Variants in DERL1 observed in about 807,000 individuals in gnomAD.
DERL1 encodes derlin-1.
DERL1 carries 24 observed loss-of-function variants against 41.6 expected under a neutral mutation model. The ratio of observed to expected loss-of-function variants is 0.58; its 90% CI spans 0.42 to 0.81. The LOEUF (loss-of-function observed/expected upper bound fraction) is 0.81. Among genes scored for constraint, DERL1 ranks in the 30% least tolerant of loss-of-function variants. DERL1 has a pLI of 0.00. For synonymous variants in DERL1, 124 were observed against 112.5 expected (o/e 1.10, Z -0.65); for missense variants, 260 against 314.3 (o/e 0.83, Z 1.31).
At chr8:123,025,369 G>C (rs191105735) in intron 2 of DERL1, among the ~76,000 whole-genome samples, 2 of 152,282 alleles carry the variant, frequency 1.3e-5, no homozygotes, top group East Asian at 1.9e-4. Flanking sequence ...GTATCCCAAA[G>C]ACCAGTGAGG....
chr8:123,023,528 C>T lies in DERL1; in HGVS notation c.357+185G>A, dbSNP rs543373003. 2.6e-5 allele frequency among the ~76,000 whole-genome samples: 4 copies of T among 152,156 alleles called. No individual in the cohort carries two copies. In the South Asian group the frequency reaches 8.3e-4, roughly 32 times the overall value. ...CAAGATCAAGCCACTGCACTCCAGC[C>T]TGAGCAACACAGCAAGACTCCATCT... On this transcript the variant is annotated intron_variant, in intron 4 of 7. Coordinates refer to ENST00000259512, the MANE Select transcript of DERL1 (RefSeq NM_024295.6).
intron 2 of DERL1, among the ~76,000 whole-genome samples, chr8:123,030,056 T>TA (rs1812788482): frequency 9.8e-6 from 1 of 101,712 alleles, no homozygotes; most frequent in Admixed American, 1.1e-4. Flanking sequence ...CAAGATTGTC[T>TA]CAAAAAATAA....
intron 1 of DERL1, among the ~76,000 whole-genome samples, chr8:123,033,390 T>C (rs1366706594): frequency 6.6e-6 from 1 of 152,190 alleles, no homozygotes; most frequent in African/African-American, 2.4e-5. Context: ...TAGAGCTATC[T>C]CTTTCTACCT....
At position 123,034,162 on chromosome 8, in the gene DERL1, G is replaced by A. The variant is rs369164285; in HGVS notation, c.154-3446C>T. On this transcript the variant is annotated intron_variant, in intron 1 of 7. Coordinates refer to ENST00000259512, the MANE Select transcript of DERL1 (RefSeq NM_024295.6). ...GGCTGGAATGGAGGACGTCAGTCAC[G>A]GGGACTGGCCACATACAGACTGGCC... Among the ~76,000 whole-genome samples, 46 of 152,308 alleles carry A rather than the reference G, an allele frequency of 3.0e-4. No homozygotes were observed. In the South Asian group the frequency reaches 8.5e-3, roughly 28 times the overall value.
chr8:123,025,053 G>T lies in DERL1; in HGVS notation c.266-3C>A. On this transcript the variant is annotated splice_region_variant and splice_polypyrimidine_tract_variant and intron_variant, in intron 2 of 7. Transcript: ENST00000259512. ...TGCTGGCCTCCCATCAAAAGCTCCT[G>T]GAAACAAAAACAAGCCAAATGTCAT... is the stretch of plus-strand genomic sequence containing the variant. 1 of 1,612,148 alleles carries T rather than the reference G, an allele frequency of 6.2e-7. No individual in the cohort carries two copies. Among genetic ancestry groups the T allele is most frequent in the Non-Finnish European group, 8.5e-7 (1 of 1,179,264 alleles).
At chr8:123,040,275 A>C (rs948252730) in intron 1 of DERL1, among the ~76,000 whole-genome samples, 5 of 152,234 alleles carry the variant, frequency 3.3e-5, no homozygotes, top group African/African-American at 1.2e-4. Flanking sequence ...AGTGGAGTGA[A>C]GGACGGGCTA....
intron 1 of DERL1, among the ~76,000 whole-genome samples, chr8:123,039,742 C>T (rs1813003647): frequency 6.6e-6 from 1 of 152,188 alleles, no homozygotes. Flanking sequence ...ACTATTGTAC[C>T]CCAGTGCCCA....
In DERL1 at chr8:123,042,184, C is replaced by A. The variant is rs187717958; in HGVS notation, c.-62G>T. 1.2e-3 allele frequency: 1,749 copies of A among 1,505,924 alleles called. 17 individuals carry two copies. The African/African-American group carries it at 0.021, about 18-fold the overall frequency. The allele number at this position is 1,505,924 out of a possible 1,614,324, so 93.3% of individuals were successfully genotyped here. ...CCGACTCCCCGTGCCGACCCCCTCA[C>A]GACGCGGCCGGCTCCGCGACTGTTA... is the stretch of plus-strand genomic sequence containing the variant. On this transcript the variant is annotated 5_prime_UTR_variant, in exon 1 of 8. Coordinates refer to ENST00000259512, the MANE Select transcript of DERL1 (RefSeq NM_024295.6).
At chr8:123,021,543 AC>A (rs746939267) in intron 5 of DERL1, 44 bp from the exon 6 acceptor site, 30 of 1,547,310 alleles carry the variant, frequency 1.9e-5, no homozygotes, top group Non-Finnish European at 2.6e-5. Flanking sequence ...GCCACACCTG[AC>A]GAGGACACAG....
intron 2 of DERL1, among the ~76,000 whole-genome samples, chr8:123,026,134 T>G (rs1051744876): frequency 5.3e-5 from 8 of 151,922 alleles, no homozygotes; most frequent in African/African-American, 1.9e-4. Flanking sequence ...AAGATATAAT[T>G]AAAAGAAAAT....
chr8:123,023,644 G>C, intron 4 of DERL1, 69 bp downstream of exon 4: 1 of 1,500,944 alleles, frequency 6.7e-7, no homozygotes, highest in South Asian at 1.3e-5. Context: ...TTCAACTTCT[G>C]ACAAAGGCCA....
intron 2 of DERL1, among the ~76,000 whole-genome samples, chr8:123,029,359 C>A (rs573773666): frequency 6.6e-6 from 1 of 152,308 alleles, no homozygotes; most frequent in South Asian, 2.1e-4. Context: ...TATGACCTTA[C>A]ACTTTGTATT....
chr8:123,034,535 A>T (rs1222683064), intron 1 of DERL1, among the ~76,000 whole-genome samples: 1 of 152,190 alleles, frequency 6.6e-6, no homozygotes, highest in Admixed American at 6.5e-5. Flanking sequence ...GATTTCATAG[A>T]TGAGGAAACA....
At position 123,015,315 on chromosome 8, in the gene DERL1, T is replaced by C; in HGVS notation, c.*132A>G. The C allele has an allele frequency of 8.3e-7, 1 of 1,210,418 alleles. No individual in the cohort carries two copies. The highest frequency in any genetic ancestry group is 1.1e-6 in the Non-Finnish European group (1 of 901,626). The allele number at this position is 1,210,418 out of a possible 1,614,324, so 75.0% of individuals were successfully genotyped here. A position where few individuals can be genotyped will look rare whatever the true frequency, so the allele number is the denominator to read the frequency against. On this transcript the variant is annotated 3_prime_UTR_variant, in exon 8 of 8. Transcript: ENST00000259512. ...TATTTTTCTTCGGGATTTAAGAAAC[T>C]TTGTCTCGTACTGAAAGACTACATT...
chr8:123,030,760 TG>T, intron 1 of DERL1, 44 bp from the exon 2 acceptor site: 1 of 1,366,446 alleles, frequency 7.3e-7, no homozygotes, highest in South Asian at 1.2e-5. Flanking sequence ...TCTGTAAGCC[TG>T]GTTATTTCTT....
chr8:123,038,686 C>T (rs921508676), intron 1 of DERL1, among the ~76,000 whole-genome samples: 1 of 152,210 alleles, frequency 6.6e-6, no homozygotes, highest in African/African-American at 2.4e-5. Flanking sequence ...ACAGGGACAA[C>T]AAGCCGGTTT....
Position 123,021,482 on chromosome 8 carries a change from C to G in DERL1, c.471G>C (p.Trp157Cys), listed in dbSNP as rs1814765134. 6.2e-7 allele frequency: 1 copy of G among 1,613,616 alleles called. No homozygotes were observed. The highest frequency in any genetic ancestry group is 1.7e-5 in the Admixed American group (1 of 59,954). Residue 157 changes from tryptophan (W) to cysteine (C), a missense_variant, in exon 6 of 8, where the codon TGG becomes TGC. Trp to Cys is a radical substitution (Grantham distance 215, BLOSUM62 -2). Transcript: ENST00000259512. ...TGATATAGTTGAATCCAAGGATAAC[C>G]CAGGGTAAATAGCAGGCCTAGGATG... is the stretch of plus-strand genomic sequence containing the variant. Reference protein sequence around the residue: ...GTRFKACYLPWVILGFNYIIG... With the variant: ...GTRFKACYLPCVILGFNYIIG...
chr8:123,025,982 A>G (rs1304913453), intron 2 of DERL1, among the ~76,000 whole-genome samples: 2 of 152,050 alleles, frequency 1.3e-5, no homozygotes, highest in Non-Finnish European at 2.9e-5. Context: ...AACAGAAGAA[A>G]AAAAAAAAAA....
chr8:123,015,835 T>G (rs540152199), intron 7 of DERL1: 2 of 387,232 alleles, frequency 5.2e-6, no homozygotes, highest in South Asian at 1.3e-4. Flanking sequence ...CTCTGAACGT[T>G]TTTTTCTCTG....
Sources: gnomAD v4.1 joint callset for allele counts (sites outside exome capture counted in the v4.1 genomes callset) on GRCh38, gnomAD v4.1.1 for gene constraint, MANE v1.5 for transcripts, NCBI Gene and HGNC (gene_info 2026-07-23, HGNC 2026-07-21) for gene names.